NTRK3: variants seen among roughly 807,000 people sequenced by gnomAD.
The protein encoded by NTRK3 is neurotrophic receptor tyrosine kinase 3.
Under a neutral mutation model 91.7 loss-of-function variants are expected in NTRK3, and 24 were observed. The ratio of observed to expected loss-of-function variants is 0.26; its 90% CI spans 0.19 to 0.37. NTRK3 has a LOEUF of 0.37. Ranked by LOEUF, NTRK3 falls within the 10% of genes least tolerant of loss-of-function variation. The pLI, the probability that NTRK3 is intolerant of heterozygous loss-of-function variation, is 1.00. For missense variants in NTRK3, 880 were observed against 1,068.9 expected (o/e 0.82, Z 2.46); for synonymous variants, 483 against 404.0 (o/e 1.20, Z -2.34).
At chr15:88,118,298 C>T (rs745465070) in intron 13 of NTRK3, among the ~76,000 whole-genome samples, 18 of 152,212 alleles carry the variant, frequency 1.2e-4, no homozygotes, top group Non-Finnish European at 2.5e-4. Context: ...AGCCTATCAT[C>T]ATGCCTCTTC....
chr15:87,931,442 A>C (rs752984725), intron 16 of NTRK3, among the ~76,000 whole-genome samples: 19 of 152,224 alleles, frequency 1.2e-4, no homozygotes, highest in Admixed American at 2.6e-4. Flanking sequence ...CTACTTGCAA[A>C]ACTTGTCTAA....
rs886647388 is a variant in NTRK3 at position 88,135,547 on chromosome 15, A to G, written c.908-150T>C. ...AGAAGTCCCACCACAATCCCAGCAG[A>G]GGGGAAGAGATGTCTGTCTTTATGC... On this transcript the variant is annotated intron_variant, in intron 9 of 18. Coordinates refer to ENST00000394480, the Ensembl canonical transcript of NTRK3. 59 of 937,014 alleles carry G rather than the reference A, an allele frequency of 6.3e-5. No individual in the cohort carries two copies. The East Asian group carries it at 1.5e-3, about 23-fold the overall frequency. The allele number at this position is 937,014 out of a possible 1,614,324, so 58.0% of individuals were successfully genotyped here. A position where few individuals can be genotyped will look rare whatever the true frequency, so the allele number is the denominator to read the frequency against.
chr15:88,187,403 C>A (rs1429814575), intron 3 of NTRK3, among the ~76,000 whole-genome samples: 2 of 152,324 alleles, frequency 1.3e-5, no homozygotes, highest in East Asian at 3.9e-4. Context: ...CTATGACTCA[C>A]CACTTGGTAC....
chr15:88,138,271 G>A (rs575897577), intron 6 of NTRK3, among the ~76,000 whole-genome samples: 80 of 151,970 alleles, frequency 5.3e-4, no homozygotes, highest in Middle Eastern at 3.4e-3. Context: ...TTAGCCGGGC[G>A]TGGTGGTGGG....
intron 14 of NTRK3, among the ~76,000 whole-genome samples, chr15:88,027,107 G>A (rs965541156): frequency 6.6e-6 from 1 of 152,036 alleles, no homozygotes; most frequent in African/African-American, 2.4e-5. Context: ...TCAATCACTA[G>A]AAGTCTAGGC....
chr15:88,116,463 G>A (rs1339728501), intron 13 of NTRK3, among the ~76,000 whole-genome samples: 1 of 151,980 alleles, frequency 6.6e-6, no homozygotes, highest in East Asian at 1.9e-4. Context: ...GGTGGTTATA[G>A]TTTGTAATCT....
chr15:87,981,200 C>T (rs1427293344), intron 14 of NTRK3: 1 of 1,557,018 alleles, frequency 6.4e-7, no homozygotes, highest in Admixed American at 1.9e-5. Context: ...TTACTGCATA[C>T]AAAGACGTCA....
intron 14 of NTRK3, among the ~76,000 whole-genome samples, chr15:87,947,999 T>G (rs762298686): frequency 1.2e-4 from 18 of 152,140 alleles, no homozygotes; most frequent in Non-Finnish European, 2.6e-4. Flanking sequence ...TATAAATTTC[T>G]GCCAGCCCTC....
chr15:88,127,051 T>G, intron 12 of NTRK3, 111 bp downstream of exon 12: 1 of 966,546 alleles, frequency 1.0e-6, no homozygotes, highest in Non-Finnish European at 1.6e-6. Flanking sequence ...TCATTACTTT[T>G]TTTTTTCAAA....
chr15:88,126,168 G>C (rs1383960694), intron 13 of NTRK3, 103 bp downstream of exon 13: 1 of 841,246 alleles, frequency 1.2e-6, no homozygotes, highest in African/African-American at 1.7e-5. Flanking sequence ...CCCATGACCG[G>C]AGGCCCTCTC....
chr15:88,051,904 A>G (rs997127257), intron 13 of NTRK3, among the ~76,000 whole-genome samples: 2 of 152,230 alleles, frequency 1.3e-5, no homozygotes, highest in African/African-American at 4.8e-5. Context: ...CAGTTAGCCA[A>G]TGCTTCCCAC....
At chr15:88,120,128 T>C (rs557111033) in intron 13 of NTRK3, among the ~76,000 whole-genome samples, 2 of 152,080 alleles carry the variant, frequency 1.3e-5, no homozygotes, top group East Asian at 1.9e-4. Context: ...AAGGCAGAAA[T>C]GACTCCTTCC....
At chr15:87,996,831 G>C (rs1397765319) in intron 14 of NTRK3, among the ~76,000 whole-genome samples, 1 of 152,194 alleles carries the variant, frequency 6.6e-6, no homozygotes, top group Non-Finnish European at 1.5e-5. Context: ...AAGATCAGTG[G>C]AAGAACTGAG....
intron 14 of NTRK3, among the ~76,000 whole-genome samples, chr15:87,974,277 GT>G (rs2073519940): frequency 6.6e-6 from 1 of 152,170 alleles, no homozygotes; most frequent in Non-Finnish European, 1.5e-5. Flanking sequence ...GTGGCTAGAG[GT>G]CAGATTCTTG....
At chr15:88,205,525 C>T (rs540618080) in intron 3 of NTRK3, among the ~76,000 whole-genome samples, 3 of 152,276 alleles carry the variant, frequency 2.0e-5, no homozygotes, top group Admixed American at 1.3e-4. Context: ...CTTCTACAGA[C>T]ATGAGCTCTG....
At chr15:88,081,730 T>C (rs112379567) in intron 13 of NTRK3, among the ~76,000 whole-genome samples, 10 of 152,330 alleles carry the variant, frequency 6.6e-5, no homozygotes, top group African/African-American at 2.4e-4. Context: ...GGGGCTGAAG[T>C]ACCTGAGACA....
At chr15:88,213,261 T>A (rs187804215) in intron 3 of NTRK3, among the ~76,000 whole-genome samples, 192 of 152,196 alleles carry the variant, frequency 1.3e-3, no homozygotes, top group Non-Finnish European at 1.9e-3. Flanking sequence ...CAGGATTGAG[T>A]AACTTGCTCA....
intron 11 of NTRK3, among the ~76,000 whole-genome samples, chr15:88,128,494 G>T (rs1398832923): frequency 6.6e-6 from 1 of 152,176 alleles, no homozygotes; most frequent in Non-Finnish European, 1.5e-5. Flanking sequence ...ACTCCCTGGG[G>T]GATAGTGAAC....
chr15:88,034,668 T>C (rs2078910538), intron 13 of NTRK3, among the ~76,000 whole-genome samples: 1 of 152,212 alleles, frequency 6.6e-6, no homozygotes, highest in Non-Finnish European at 1.5e-5. Flanking sequence ...TCCCATCAAA[T>C]AGCGAGGTGA....
Sources: allele counts gnomAD v4.1 joint callset (sites outside exome capture counted in the v4.1 genomes callset), GRCh38; gene constraint gnomAD v4.1.1; transcripts MANE v1.5; gene names NCBI Gene and HGNC (gene_info 2026-07-23, HGNC 2026-07-21).